ADGRL3: variants seen among roughly 807,000 people sequenced by gnomAD.
ADGRL3 encodes calcium-independent alpha-latrotoxin receptor 3.
ADGRL3 carries 62 observed loss-of-function variants against 153.5 expected under a neutral mutation model. The ratio of observed to expected loss-of-function variants is 0.40; its 90% confidence interval spans 0.33 to 0.50. ADGRL3 has a LOEUF of 0.50. Ranked by LOEUF, ADGRL3 falls within the 20% of genes least tolerant of loss-of-function variation. The pLI, the probability that ADGRL3 is intolerant of heterozygous loss-of-function variation, is 0.47. For synonymous variants in ADGRL3, 710 were observed against 672.5 expected, an observed-to-expected ratio of 1.06 and a Z score of -0.86; for missense variants, 1,641 against 1,859.4, an observed-to-expected ratio of 0.88 and a Z score of 2.16.
At chr4:61,515,563 G>A (rs1056453574) in intron 3 of ADGRL3, among the ~76,000 whole-genome samples, 3 of 152,046 alleles carry the variant, frequency 2.0e-5, no homozygotes, top group Admixed American at 1.3e-4. Flanking sequence ...GTCCCAACAT[G>A]TAATGGGAAC....
At chr4:61,480,043 A>G (rs955908091) in intron 2 of ADGRL3, among the ~76,000 whole-genome samples, 2 of 152,118 alleles carry the variant, frequency 1.3e-5, no homozygotes, top group African/African-American at 4.8e-5. Flanking sequence ...GATAACACTT[A>G]AGATCTAGTC....
intron 9 of ADGRL3, among the ~76,000 whole-genome samples, chr4:61,853,974 T>C (rs2098236802): frequency 6.6e-6 from 1 of 152,234 alleles, no homozygotes; most frequent in Admixed American, 6.5e-5. Context: ...CTGGTAATTA[T>C]GGATGTTGAT....
chr4:61,614,646 T>C (rs944402651), intron 5 of ADGRL3, among the ~76,000 whole-genome samples: 1 of 152,196 alleles, frequency 6.6e-6, no homozygotes, highest in Admixed American at 6.5e-5. Flanking sequence ...ATATTGTATG[T>C]GGAATGGTGA....
At chr4:61,974,157 G>A (rs2099039743) in intron 17 of ADGRL3, among the ~76,000 whole-genome samples, 1 of 152,026 alleles carries the variant, frequency 6.6e-6, no homozygotes, top group Non-Finnish European at 1.5e-5. Context: ...TTGTAGAGAT[G>A]GAGTTTCAGC....
intron 8 of ADGRL3, among the ~76,000 whole-genome samples, chr4:61,758,077 C>T (rs2096860085): frequency 6.6e-6 from 1 of 152,046 alleles, no homozygotes; most frequent in African/African-American, 2.4e-5. Flanking sequence ...CAGTGTGGTG[C>T]ACAGAAGAAT....
intron 6 of ADGRL3, among the ~76,000 whole-genome samples, chr4:61,719,970 T>A (rs1008879136): frequency 6.6e-6 from 1 of 152,094 alleles, no homozygotes; most frequent in African/African-American, 2.4e-5. Context: ...ACATTGTGCC[T>A]TGTAAGTCTG....
At chr4:61,635,530 AG>A (rs1279926841) in intron 5 of ADGRL3, among the ~76,000 whole-genome samples, 1 of 152,178 alleles carries the variant, frequency 6.6e-6, no homozygotes, top group East Asian at 1.9e-4. Context: ...ACAGCACACA[AG>A]AACTAAGAAA....
intron 2 of ADGRL3, among the ~76,000 whole-genome samples, chr4:61,405,740 CT>C (rs1017433473): frequency 6.6e-6 from 1 of 151,782 alleles, no homozygotes; most frequent in Non-Finnish European, 1.5e-5. Context: ...TGTTGAGAAG[CT>C]TTTTTTGTAT....
rs2148700898 is a variant in ADGRL3, at chr4:61,202,980, GCCCCC to G, written c.-240+1216_-240+1220del. Among the ~76,000 whole-genome samples the G allele has an allele frequency of 6.6e-6, 1 of 152,300 alleles. No individual in the cohort carries two copies. Among genetic ancestry groups the G allele is most frequent in the South Asian group, 2.1e-4 (1 of 4,824 alleles). ...AATCTGGTTTGAGGAGGCCACGGGG[GCCCCC>G]GCAGGGTGGCGAGGAAACCTTGCCG... On this transcript the variant is annotated intron_variant, in intron 1 of 26. Coordinates refer to ENST00000683033, the MANE Select transcript of ADGRL3 (RefSeq NM_001387552.1). This position sits in a 1 kb window ranked among gnomAD's most constrained non-coding sequence, Gnocchi z 5.0.
chr4:61,856,702 C>T (rs2098271796), intron 9 of ADGRL3, among the ~76,000 whole-genome samples: 1 of 146,584 alleles, frequency 6.8e-6, no homozygotes, highest in South Asian at 2.3e-4. Context: ...CTGCAACCTC[C>T]ACCTCCAGGG....
chr4:61,609,405 A>G (rs2099044778), intron 5 of ADGRL3, among the ~76,000 whole-genome samples: 1 of 152,114 alleles, frequency 6.6e-6, no homozygotes, highest in Non-Finnish European at 1.5e-5. Context: ...TAAAACCTTT[A>G]TTAGGTTTCA....
chr4:61,823,797 A>G (rs1195043949), intron 9 of ADGRL3, among the ~76,000 whole-genome samples: 2 of 152,142 alleles, frequency 1.3e-5, no homozygotes, highest in African/African-American at 2.4e-5. Context: ...CATGGTGGCT[A>G]ACGCCTGTAA....
intron 1 of ADGRL3, among the ~76,000 whole-genome samples, chr4:61,270,569 CT>C: frequency 6.6e-6 from 1 of 151,878 alleles, no homozygotes; most frequent in African/African-American, 2.4e-5. Flanking sequence ...GTAGTTTAGA[CT>C]TTGCGTATAA....
At chr4:61,459,331 GAAATA>G (rs200873132) in intron 2 of ADGRL3, among the ~76,000 whole-genome samples, 4,400 of 151,816 alleles carry the variant, frequency 0.029, 97 homozygotes, top group Middle Eastern at 0.063. Context: ...AAATAGATTA[GAAATA>G]AAATAATAGG....
chr4:61,517,253 GCTCCCCTGAGGCGGGA>G, intron 3 of ADGRL3, 46 bp from the exon 4 acceptor site: 1 of 688,576 alleles, frequency 1.5e-6, no homozygotes, highest in South Asian at 1.5e-5. Context: ...CTCTACCAGG[GCTCCCCTGAGGCGGGA>G]CTGAGGTGAG....
In ADGRL3 at chr4:62,070,321, C is replaced by A; in HGVS notation, c.4045C>A (p.His1349Asn). The change falls in exon 27 of 27, where the codon CAT becomes AAT. Residue 1349 changes from histidine (H) to asparagine (N), a missense_variant. Transcript: ENST00000683033. ...CTATATCCCTTCTTACCTGAACAAC[C>A]ATGAGCGCTCCAGTGAACAGAACAG... ...SNYIPSYLNN[H>N]ERSSEQNRNL... 1 of 1,554,854 alleles carries A rather than the reference C, an allele frequency of 6.4e-7. No individual in the cohort carries two copies. The highest frequency in any genetic ancestry group is 8.7e-7 in the Non-Finnish European group (1 of 1,148,420).
intron 6 of ADGRL3, among the ~76,000 whole-genome samples, chr4:61,704,238 A>G (rs74967113): frequency 0.02 from 3,063 of 152,298 alleles, 80 homozygotes; most frequent in South Asian, 0.065. Flanking sequence ...ATATTTCCAT[A>G]TGAAGTGCCC....
chr4:61,361,061 C>G (rs1044203085), intron 1 of ADGRL3, among the ~76,000 whole-genome samples: 1 of 152,180 alleles, frequency 6.6e-6, no homozygotes, highest in African/African-American at 2.4e-5. Context: ...TTATGGCTCA[C>G]TCCAAACCCT....
chr4:61,305,647 A>G lies in ADGRL3; in HGVS notation c.-239-77477A>G, dbSNP rs2094753196. ...TGTTATTGACAAAGTCGGTCCCCCA[A>G]AAGATAGGGTCTTTCCCTGTTTGGT... On this transcript the variant is annotated intron_variant, in intron 1 of 26. Transcript: ENST00000683033. Among the ~76,000 whole-genome samples, 4 of 152,230 alleles carry G rather than the reference A, an allele frequency of 2.6e-5. No individual in the cohort carries two copies. The South Asian group carries it at 8.3e-4, about 32-fold the overall frequency.
Sources: gnomAD v4.1 joint callset for allele counts (sites outside exome capture counted in the v4.1 genomes callset) on GRCh38, gnomAD v4.1.1 for gene constraint, Gnocchi (gnomAD v3.1) non-coding constraint, MANE v1.5 for transcripts, NCBI Gene and HGNC (gene_info 2026-07-23, HGNC 2026-07-21) for gene names.